Variants in PDE11A observed in about 807,000 individuals in gnomAD.
PDE11A encodes the protein phosphodiesterase 11A.
A neutral mutation model predicts 100.5 loss-of-function variants in PDE11A; 100 were observed. The ratio of observed to expected loss-of-function variants is 1.00; its 90% CI spans 0.85 to 1.18. PDE11A has a LOEUF of 1.18. Among genes scored for constraint, PDE11A ranks in the 50% most tolerant of loss-of-function variants. PDE11A has a pLI of 0.00. For synonymous variants in PDE11A, 381 were observed against 420.8 expected (o/e 0.91, Z 1.16); for missense variants, 1,141 against 1,152.6 (o/e 0.99, Z 0.15).
At chr2:177,650,351 T>C (rs1298775255) in intron 19 of PDE11A, among the ~76,000 whole-genome samples, 1 of 152,258 alleles carries the variant, frequency 6.6e-6, no homozygotes, top group African/African-American at 2.4e-5. Flanking sequence ...TCATCATTTC[T>C]AGTCCTTTTC....
At chr2:178,060,772 T>C (rs1269433557) in intron 1 of PDE11A, among the ~76,000 whole-genome samples, 1 of 152,124 alleles carries the variant, frequency 6.6e-6, no homozygotes, top group South Asian at 2.1e-4. Flanking sequence ...TTTTATAATA[T>C]ATCATAATTG....
Position 177,629,497 on chromosome 2 carries a change from C to T in PDE11A, c.2712G>A (p.Lys904=). The T allele has an allele frequency of 1.2e-6, 2 of 1,613,880 alleles. No individual in the cohort carries two copies. Among genetic ancestry groups the T allele is most frequent in the South Asian group, 1.1e-5 (1 of 91,078 alleles). ...MLDSVATNRS[K]WEELHQKRLL... ...GTCGTTTTTGGTGTAGCTCTTCCCACTTACTTCTGTTTGTAGCTACTGAAT... is the reference window on the plus strand; with the variant it reads ...GTCGTTTTTGGTGTAGCTCTTCCCATTTACTTCTGTTTGTAGCTACTGAAT... The change falls in exon 20 of 20, where the codon AAG becomes AAA. Residue 904 remains lysine (K), a synonymous_variant. Coordinates refer to ENST00000286063, the MANE Select transcript of PDE11A (RefSeq NM_016953.4).
chr2:178,089,861 G>T (rs1013141071), intron 2 of PDE11A, among the ~76,000 whole-genome samples: 17 of 152,178 alleles, frequency 1.1e-4, no homozygotes, highest in African/African-American at 3.6e-4. Context: ...TTCAAAGCTG[G>T]ATGATAGGAA....
chr2:177,979,519 T>C (rs1161613257), intron 2 of PDE11A, among the ~76,000 whole-genome samples: 1 of 150,152 alleles, frequency 6.7e-6, no homozygotes, highest in African/African-American at 2.4e-5. Context: ...AGGGTTTTCC[T>C]GGTATGCAGC....
At chr2:177,845,012 G>A (rs2083557517) in intron 5 of PDE11A, among the ~76,000 whole-genome samples, 1 of 151,378 alleles carries the variant, frequency 6.6e-6, no homozygotes, top group African/African-American at 2.4e-5. Context: ...ATTCCACAAA[G>A]CCGCCATTGT....
At chr2:177,702,931 ATACT>A (rs1559150704) in intron 13 of PDE11A, among the ~76,000 whole-genome samples, 3 of 152,182 alleles carry the variant, frequency 2.0e-5, no homozygotes, top group Non-Finnish European at 4.4e-5. Context: ...TGATAAATTA[ATACT>A]TAATGTTAGT....
At chr2:177,643,688 G>A (rs1212105741) in intron 19 of PDE11A, among the ~76,000 whole-genome samples, 6 of 152,208 alleles carry the variant, frequency 3.9e-5, no homozygotes, top group East Asian at 1.9e-4. Flanking sequence ...AAGACAATGG[G>A]GAAAATGTCT....
chr2:177,653,952 A>G (rs2080345206), intron 19 of PDE11A, among the ~76,000 whole-genome samples: 2 of 152,214 alleles, frequency 1.3e-5, no homozygotes, highest in African/African-American at 2.4e-5. Flanking sequence ...CCCCTTGTGC[A>G]GACATTCTGG....
At chr2:177,878,482 A>G (rs1052598285) in intron 4 of PDE11A, among the ~76,000 whole-genome samples, 8 of 152,160 alleles carry the variant, frequency 5.3e-5, no homozygotes, top group Non-Finnish European at 1.2e-4. Flanking sequence ...TCACCATGCA[A>G]GAAGTGCAAC....
At chr2:177,660,097 T>TTCTTTCTTTCTC (rs1406827529) in intron 19 of PDE11A, among the ~76,000 whole-genome samples, 8 of 69,342 alleles carry the variant, frequency 1.2e-4, no homozygotes, top group Middle Eastern at 6.6e-3. Flanking sequence ...CTTTCTTTCT[T>TTCTTTCTTTCTC]TCTCTCTCTC....
chr2:177,970,623 G>C (rs917307005), intron 2 of PDE11A, among the ~76,000 whole-genome samples: 1 of 151,976 alleles, frequency 6.6e-6, no homozygotes, highest in Admixed American at 6.6e-5. Flanking sequence ...ATGACCTGTG[G>C]GGCCTTGGAG....
At chr2:177,940,445 A>AT (rs1185414781) in intron 2 of PDE11A, among the ~76,000 whole-genome samples, 2 of 152,192 alleles carry the variant, frequency 1.3e-5, no homozygotes, top group African/African-American at 4.8e-5. Context: ...CTGAGAACTG[A>AT]TTCTATTTTA....
chr2:177,987,867 A>T (rs1454915156), intron 2 of PDE11A, among the ~76,000 whole-genome samples: 2 of 152,244 alleles, frequency 1.3e-5, no homozygotes. Context: ...GCTCCAGAAC[A>T]TTCCTTCAAA....
At chr2:177,826,062 A>G (rs940006825) in intron 6 of PDE11A, among the ~76,000 whole-genome samples, 1 of 152,174 alleles carries the variant, frequency 6.6e-6, no homozygotes, top group African/African-American at 2.4e-5. Flanking sequence ...TAACATTTAC[A>G]CCATTAGAGT....
At chr2:177,840,896 C>T (rs911158551) in intron 5 of PDE11A, among the ~76,000 whole-genome samples, 10 of 152,178 alleles carry the variant, frequency 6.6e-5, no homozygotes, top group Admixed American at 4.6e-4. Context: ...ATTTTACTAT[C>T]TTAGTCATTA....
At chr2:177,842,173 G>A (rs537629144) in intron 5 of PDE11A, among the ~76,000 whole-genome samples, 4 of 152,334 alleles carry the variant, frequency 2.6e-5, no homozygotes, top group East Asian at 3.9e-4. Context: ...TGATCACACC[G>A]TTTCGAAGCT....
intron 4 of PDE11A, among the ~76,000 whole-genome samples, chr2:177,894,443 T>C (rs1034251241): frequency 2.0e-5 from 3 of 152,100 alleles, no homozygotes; most frequent in African/African-American, 7.2e-5. Flanking sequence ...CAGGAGCTCA[T>C]TCTCACTATA....
chr2:177,814,804 G>A (rs1160811662), intron 9 of PDE11A, among the ~76,000 whole-genome samples: 1 of 152,150 alleles, frequency 6.6e-6, no homozygotes, highest in Non-Finnish European at 1.5e-5. Context: ...TAGGGTATAT[G>A]AGCATTTTCT....
intron 1 of PDE11A, among the ~76,000 whole-genome samples, chr2:178,024,994 A>G (rs2086461399): frequency 6.6e-6 from 1 of 152,214 alleles, no homozygotes; most frequent in Non-Finnish European, 1.5e-5. Context: ...ACACTGCATA[A>G]AAACAAAGAC....
Sources: gnomAD v4.1 joint callset for allele counts (sites outside exome capture counted in the v4.1 genomes callset) on GRCh38, gnomAD v4.1.1 for gene constraint, MANE v1.5 for transcripts, NCBI Gene and HGNC (gene_info 2026-07-23, HGNC 2026-07-21) for gene names.